NKAP: variants seen among roughly 807,000 people sequenced by gnomAD.
NKAP encodes NFKB activating protein.
In NKAP, 4 loss-of-function variants were observed where a neutral mutation model predicts 35.6. The ratio of observed to expected loss-of-function variants is 0.11; its 90% CI spans 0.06 to 0.26. The LOEUF is 0.26. Ranked by LOEUF, NKAP falls within the 10% of genes least tolerant of loss-of-function variation. NKAP has a pLI of 1.00. For synonymous variants in NKAP, 106 were observed against 119.2 expected (o/e 0.89, Z 0.72); for missense variants, 238 against 321.9 (o/e 0.74, Z 1.99).
chrX:119,930,728 G>T (rs1296162288), intron 7 of NKAP, among the ~76,000 whole-genome samples: 2 of 111,050 alleles, frequency 1.8e-5, no homozygotes, highest in African/African-American at 6.6e-5. Flanking sequence ...TGAGGCAGGA[G>T]AATCACTTGA....
chrX:119,932,762 G>T (rs994034964), intron 5 of NKAP: 5 of 111,433 alleles, frequency 4.5e-5, no homozygotes, highest in African/African-American at 1.6e-4. Flanking sequence ...GGTCACTTGA[G>T]CCCAGGGGTT....
In NKAP at chrX:119,932,223, G is replaced by A; in HGVS notation, c.738-7C>T. The A allele has an allele frequency of 8.9e-7, 1 of 1,119,818 alleles. No homozygotes were observed. The highest frequency in any genetic ancestry group is 1.2e-6 in the Non-Finnish European group (1 of 826,928). The allele number at this position is 1,119,818 out of a possible 1,213,427, so 92.3% of individuals were successfully genotyped here. A position where few individuals can be genotyped will look rare whatever the true frequency, so the allele number is the denominator to read the frequency against. ...CTTTTTCTTATATTTCTTCCTATAG[G>A]GATTTTAATTTGATACAAATTCACT... On this transcript the variant is annotated splice_region_variant and splice_polypyrimidine_tract_variant and intron_variant, in intron 5 of 8. Transcript: ENST00000371410.
Position 119,936,446 on chromosome X carries a change from AT to A in NKAP, c.539-16del, listed in dbSNP as rs112414769. 1.8e-6 allele frequency: 2 copies of A among 1,091,168 alleles called. No individual in the cohort carries two copies. Among genetic ancestry groups the A allele is most frequent in the Non-Finnish European group, 2.5e-6 (2 of 814,666 alleles). 89.9% of individuals were successfully genotyped at this position (1,091,168 alleles called of 1,213,427 possible). ...CTTTTTTTCTTCTAAGAAAGTACAA[AT>A]TAAAAAATTATATTCTAAAAAACTA... On this transcript the variant is annotated splice_polypyrimidine_tract_variant and intron_variant, in intron 3 of 8. Transcript: ENST00000371410.
intron 4 of NKAP, among the ~76,000 whole-genome samples, chrX:119,936,023 AG>A (rs2056764492): frequency 8.9e-6 from 1 of 111,773 alleles, no homozygotes; most frequent in Non-Finnish European, 1.9e-5. Flanking sequence ...CAGATTGCTT[AG>A]GTTTGAATCC....
chrX:119,936,832 T>C, intron 2 of NKAP, 150 bp from the exon 3 acceptor site: 1 of 446,378 alleles, frequency 2.2e-6, no homozygotes, highest in Non-Finnish European at 3.9e-6. Flanking sequence ...AGGCAGAACT[T>C]GGGAATCAAA....
At chrX:119,935,315 A>G (rs187798643) in intron 4 of NKAP, among the ~76,000 whole-genome samples, 23 of 111,769 alleles carry the variant, frequency 2.1e-4, no homozygotes, top group African/African-American at 7.1e-4. Flanking sequence ...AGAGACTGGC[A>G]TTGTAGGCAG....
At chrX:119,930,579 G>A (rs2056735411) in intron 7 of NKAP, among the ~76,000 whole-genome samples, 1 of 111,765 alleles carries the variant, frequency 8.9e-6, no homozygotes, top group Admixed American at 9.6e-5. Context: ...AACACTTTGG[G>A]AGGCTGAGGC....
At position 119,936,831 on chromosome X, in the gene NKAP, T is replaced by C. The variant is rs770459950; in HGVS notation, c.468-149A>G. The C allele has an allele frequency of 3.4e-5, 15 of 445,479 alleles. No homozygotes were observed. In the East Asian group the frequency reaches 6.2e-4, roughly 18 times the overall value. 36.7% of individuals were successfully genotyped at this position (445,479 alleles called of 1,213,427 possible). ...AGCATTGGAGATCCTAAGGCAGAAC[T>C]TGGGAATCAAAAAAACCAAAACAAC... On this transcript the variant is annotated intron_variant, in intron 2 of 8. Transcript: ENST00000371410.
rs765689670 is a variant in NKAP at position 119,936,404 on chromosome X, G to A, written c.566C>T (p.Ser189Leu). Reference sequence around the variant, plus strand: ...TCTCCTTTTCTTGGACCTTTCTTTTGAACGGCTAGACTTCTTCTTTTTTTC... The same window carrying A: ...TCTCCTTTTCTTGGACCTTTCTTTTAAACGGCTAGACTTCTTCTTTTTTTC... The part of the protein sequence containing the change: ...EEEKKKKSSR[S>L]KERSKKRRKK... The change falls in exon 4 of 9, where the codon TCA becomes TTA. Residue 189 changes from serine to leucine, a missense_variant. Coordinates refer to ENST00000371410, the MANE Select transcript of NKAP (RefSeq NM_024528.4). 8.6e-7 allele frequency: 1 copy of A among 1,168,400 alleles called. No homozygotes were observed. The highest frequency in any genetic ancestry group is 1.9e-5 in the South Asian group (1 of 51,565).
chrX:119,929,957 T>C, intron 8 of NKAP, 59 bp downstream of exon 8: 1 of 1,048,453 alleles, frequency 9.5e-7, no homozygotes, highest in South Asian at 2.4e-5. Flanking sequence ...ATAATTCTGG[T>C]AGTAAAAAAG....
chrX:119,937,708 T>A (rs781496439), intron 2 of NKAP: 3 of 110,831 alleles, frequency 2.7e-5, no homozygotes, highest in South Asian at 7.6e-4. Flanking sequence ...CTTTTTTTTT[T>A]CTTTTAAATA....
At chrX:119,938,157 G>A (rs1205242618) in intron 2 of NKAP, 4 of 111,853 alleles carry the variant, frequency 3.6e-5, no homozygotes, top group Non-Finnish European at 7.5e-5. Flanking sequence ...TGAGGCAAGC[G>A]GATCACGAGG....
rs1232858758 is a variant in NKAP at position 119,921,693 on chromosome X, A to C, written c.*3527T>G. The stretch of plus-strand genomic sequence containing the variant: ...ATTCTTCTTGCCTCTTTCCCAAAGA[A>C]TATGCCAATGAAGCTGTTCTTGATG... On this transcript the variant is annotated 3_prime_UTR_variant, in exon 9 of 9. Coordinates refer to ENST00000371410, the MANE Select transcript of NKAP (RefSeq NM_024528.4). 1 of 110,743 alleles carries C rather than the reference A, an allele frequency of 9.0e-6. No individual in the cohort carries two copies. The highest frequency in any genetic ancestry group is 3.3e-5 in the African/African-American group (1 of 30,578). The allele number at this position is 110,743 out of a possible 1,213,427, so 9.1% of individuals were successfully genotyped here.
In NKAP at chrX:119,935,388, T is replaced by C. The variant is rs570392682; in HGVS notation, c.674-831A>G. Among the ~76,000 whole-genome samples, 8 of 111,514 alleles carry C rather than the reference T, an allele frequency of 7.2e-5. No homozygotes were observed. The South Asian group carries it at 3.0e-3, about 42-fold the overall frequency. On this transcript the variant is annotated intron_variant, in intron 4 of 8. Coordinates refer to ENST00000371410, the MANE Select transcript of NKAP (RefSeq NM_024528.4). ...AATACTGAGGAGACAGAAAGTAGTT[T>C]TCAGATTACAGAGGATGTTGCAAGA...
At chrX:119,932,525 G>A (rs1026863622) in intron 5 of NKAP, 8 of 152,816 alleles carry the variant, frequency 5.2e-5, no homozygotes, top group South Asian at 4.1e-4. Context: ...AGGCTGAGGC[G>A]GGAGGATCAC....
At chrX:119,929,116 G>A (rs1287699044) in intron 8 of NKAP, among the ~76,000 whole-genome samples, 2 of 110,624 alleles carry the variant, frequency 1.8e-5, no homozygotes, top group Non-Finnish European at 3.8e-5. Flanking sequence ...GGCTAGTCTT[G>A]AACTCCTGGA....
chrX:119,943,554 C>G lies in NKAP; in HGVS notation c.52G>C (p.Gly18Arg), dbSNP rs773255447. ...RSPDREASGS[G>R]GRRRSSSKSP... ...TTCGACGAACTGCGACGTCTTCCCC[C>G]CGAGCCCGAGGCCTCCCTATCCGGG... The change falls in exon 1 of 9, where the codon GGG becomes CGG. Residue 18 changes from glycine (G) to arginine (R), a missense_variant. Coordinates refer to ENST00000371410, the MANE Select transcript of NKAP (RefSeq NM_024528.4). 8 of 1,202,687 alleles carry G rather than the reference C, an allele frequency of 6.7e-6. No individual in the cohort carries two copies. The Admixed American group carries it at 1.3e-4, about 20-fold the overall frequency.
Position 119,924,971 on chromosome X carries a change from C to T in NKAP, c.*249G>A, listed in dbSNP as rs1404313534. On this transcript the variant is annotated 3_prime_UTR_variant, in exon 9 of 9. Transcript: ENST00000371410. ...AAAGTGCTGGGATTACAGGCGTGAG[C>T]AACCGTGCCCAGCCCATAATTTGGA... 5 of 333,512 alleles carry T rather than the reference C, an allele frequency of 1.5e-5. No homozygotes were observed. Among genetic ancestry groups the T allele is most frequent in the Non-Finnish European group, 2.6e-5 (5 of 194,065 alleles). The allele number at this position is 333,512 out of a possible 1,213,427, so 27.5% of individuals were successfully genotyped here.
intron 4 of NKAP, among the ~76,000 whole-genome samples, chrX:119,935,511 T>C (rs191833960): frequency 1.3e-4 from 14 of 111,654 alleles, no homozygotes; most frequent in Middle Eastern, 4.6e-3. Context: ...TAAGTAGGTA[T>C]TTGGTGTATA....
Sources: allele counts gnomAD v4.1 joint callset (sites outside exome capture counted in the v4.1 genomes callset), GRCh38; gene constraint gnomAD v4.1.1; transcripts MANE v1.5; gene names NCBI Gene and HGNC (gene_info 2026-07-23, HGNC 2026-07-21).